Variants in CPVL observed in about 807,000 individuals in gnomAD.
CPVL encodes the protein carboxypeptidase vitellogenic like.
Under a neutral mutation model 63.7 loss-of-function variants are expected in CPVL, and 51 were observed. The ratio of observed to expected loss-of-function variants is 0.80; its 90% CI spans 0.64 to 1.01. The LOEUF is 1.01. Ranked by LOEUF, CPVL falls within the 50% of genes least tolerant of loss-of-function variation. The probability of loss-of-function intolerance (pLI) is 0.00; values close to 1 mark genes in which losing one functional copy is unlikely to be tolerated. For missense variants in CPVL, 530 were observed against 573.1 expected, an observed-to-expected ratio of 0.92 and a Z score of 0.77; for synonymous variants, 195 against 206.0, an observed-to-expected ratio of 0.95 and a Z score of 0.46.
At chr7:29,141,960 T>C (rs1436006692) in intron 1 of CPVL, among the ~76,000 whole-genome samples, 1 of 151,924 alleles carries the variant, frequency 6.6e-6, no homozygotes, top group East Asian at 1.9e-4. Flanking sequence ...ATAGACAAGT[T>C]CATTAAATTA....
chr7:29,013,843 T>C (rs1786108770), intron 12 of CPVL, among the ~76,000 whole-genome samples: 1 of 152,216 alleles, frequency 6.6e-6, no homozygotes, highest in Non-Finnish European at 1.5e-5. Context: ...ATGACCTTCC[T>C]GGGGCAGCCC....
chr7:29,056,591 CT>C (rs1358451522), intron 11 of CPVL, among the ~76,000 whole-genome samples: 2 of 152,082 alleles, frequency 1.3e-5, no homozygotes, highest in African/African-American at 4.8e-5. Flanking sequence ...TGAAGAATAT[CT>C]TGGTTGTTTC....
chr7:29,101,762 C>G (rs1787164458), intron 3 of CPVL, among the ~76,000 whole-genome samples: 1 of 151,970 alleles, frequency 6.6e-6, no homozygotes, highest in East Asian at 1.9e-4. Flanking sequence ...CTTATGTTTA[C>G]CCTTCCAGAT....
rs1378532489 is a variant in CPVL at position 29,056,956 on chromosome 7, T to TTC, written c.1137+7104_1137+7105insGA. On this transcript the variant is annotated intron_variant, in intron 11 of 12. Coordinates refer to ENST00000265394, the MANE Select transcript of CPVL (RefSeq NM_031311.5). The stretch of plus-strand genomic sequence containing the variant: ...TGAACATCTTTTCCTTTTCTTTTTT[T>TTC]TTTTTTTTTTTTGAGACAGGGTCTC... 1.2e-4 allele frequency among the ~76,000 whole-genome samples: 17 copies of TTC among 146,858 alleles called. No individual in the cohort carries two copies. The South Asian group carries it at 3.8e-3, about 32-fold the overall frequency.
chr7:29,185,710 C>T (rs1193312360), intron 2 of CPVL: 2 of 152,176 alleles, frequency 1.3e-5, no homozygotes, highest in Non-Finnish European at 2.9e-5. Context: ...TAAAAGCCTT[C>T]TGAGTGATTC....
At chr7:29,034,304 G>A (rs1463788379) in intron 11 of CPVL, among the ~76,000 whole-genome samples, 5 of 151,902 alleles carry the variant, frequency 3.3e-5, no homozygotes, top group African/African-American at 7.3e-5. Flanking sequence ...ACGGGGTTTC[G>A]CCATGTTGCC....
intron 3 of CPVL, among the ~76,000 whole-genome samples, chr7:29,107,863 G>T (rs1056759127): frequency 8.5e-5 from 13 of 152,332 alleles, no homozygotes; most frequent in Middle Eastern, 6.8e-3. Flanking sequence ...GAAGTATGGT[G>T]GGGCCTGATT....
At chr7:29,167,923 A>G (rs757076104) in intron 5 of CPVL, among the ~76,000 whole-genome samples, 7 of 152,198 alleles carry the variant, frequency 4.6e-5, no homozygotes, top group Non-Finnish European at 1.0e-4. Flanking sequence ...TCCCTCTGAC[A>G]AGGAGGCCTA....
intron 3 of CPVL, among the ~76,000 whole-genome samples, chr7:29,107,000 T>C (rs182089163): frequency 1.3e-5 from 2 of 152,288 alleles, no homozygotes; most frequent in African/African-American, 2.4e-5. Flanking sequence ...ATCAGAAGGA[T>C]TGACTGGTAC....
intron 5 of CPVL, among the ~76,000 whole-genome samples, chr7:29,155,220 A>C (rs1450437188): frequency 6.6e-6 from 1 of 152,196 alleles, no homozygotes; most frequent in East Asian, 1.9e-4. Context: ...GAAAATAAAG[A>C]AGTATTATTA....
At chr7:29,155,487 A>G (rs1245411051) in intron 5 of CPVL, among the ~76,000 whole-genome samples, 4 of 152,200 alleles carry the variant, frequency 2.6e-5, no homozygotes, top group Admixed American at 2.0e-4. Context: ...CCATTTTCTA[A>G]TGGATGTAAC....
intron 9 of CPVL, among the ~76,000 whole-genome samples, chr7:29,070,375 C>T (rs1478821715): frequency 6.6e-6 from 1 of 152,160 alleles, no homozygotes; most frequent in Non-Finnish European, 1.5e-5. Flanking sequence ...TTGCTCTTGA[C>T]AATTGCTTTA....
intron 3 of CPVL, among the ~76,000 whole-genome samples, chr7:29,112,449 G>A (rs1266114523): frequency 1.3e-5 from 2 of 152,126 alleles, no homozygotes; most frequent in South Asian, 4.1e-4. Context: ...GAAGGTGGTA[G>A]TATTAACACT....
At position 29,113,434 on chromosome 7, in the gene CPVL, A is replaced by G. The variant is rs376842084; in HGVS notation, c.170-612T>C. Among the ~76,000 whole-genome samples the G allele has an allele frequency of 4.1e-4, 63 of 152,232 alleles. 1 individual carries two copies. In the South Asian group the frequency reaches 0.012, roughly 30 times the overall value. On this transcript the variant is annotated intron_variant, in intron 2 of 12. Coordinates refer to ENST00000265394, the MANE Select transcript of CPVL (RefSeq NM_031311.5). ...ACCTCATGGCTACTCAGGGGGAGCC[A>G]AATAGGACAATGGGGCAGTTGTGGG...
chr7:29,164,912 A>C (rs759078624), intron 5 of CPVL, among the ~76,000 whole-genome samples: 1 of 151,786 alleles, frequency 6.6e-6, no homozygotes, highest in Non-Finnish European at 1.5e-5. Flanking sequence ...TTGTATATCT[A>C]TCATTATGAT....
chr7:29,096,329 C>T lies in CPVL; in HGVS notation c.289-112G>A, dbSNP rs1158772082. On this transcript the variant is annotated intron_variant, in intron 3 of 12. Coordinates refer to ENST00000265394, the MANE Select transcript of CPVL (RefSeq NM_031311.5). ...CTGTGTTACAGGGCTGTGACTAAAT[C>T]CTACAAAACCTCCCCAGACCTCAGT... The T allele has an allele frequency of 5.0e-6, 4 of 793,024 alleles. No homozygotes were observed. In the East Asian group the frequency reaches 1.0e-4, roughly 21 times the overall value. 49.1% of individuals were successfully genotyped at this position (793,024 alleles called of 1,614,324 possible).
At chr7:29,151,313 CT>C (rs1324824517), upstream of CPVL, among the ~76,000 whole-genome samples, 5 of 152,196 alleles carry the variant, frequency 3.3e-5, no homozygotes, top group Admixed American at 1.3e-4. Flanking sequence ...TAATCTACGT[CT>C]TTTGTAAGTG....
chr7:29,184,745 C>T (rs571188212), intron 3 of CPVL, among the ~76,000 whole-genome samples: 2 of 152,280 alleles, frequency 1.3e-5, no homozygotes, highest in African/African-American at 4.8e-5. Context: ...CACACAGAAA[C>T]ACCCAGAAAT....
At chr7:29,184,684 G>A (rs1480050670) in intron 3 of CPVL, 1 of 152,174 alleles carries the variant, frequency 6.6e-6, no homozygotes, top group African/African-American at 2.4e-5. Context: ...CATACTGGGG[G>A]AAAATCTGTG....
Sources: allele counts gnomAD v4.1 joint callset (sites outside exome capture counted in the v4.1 genomes callset), GRCh38; gene constraint gnomAD v4.1.1; transcripts MANE v1.5; gene names NCBI Gene and HGNC (gene_info 2026-07-23, HGNC 2026-07-21).